HS3ST4: variants seen among roughly 807,000 people sequenced by gnomAD.
HS3ST4 encodes the protein heparan sulfate glucosamine 3-O-sulfotransferase 4.
HS3ST4 carries 17 observed loss-of-function variants against 29.2 expected under a neutral mutation model. That is an observed-to-expected ratio of 0.58 (90% CI 0.40 to 0.87). HS3ST4 has a LOEUF of 0.87. HS3ST4 is among the 40% of genes least tolerant of loss of function. The pLI is 0.00. For synonymous variants in HS3ST4, 314 were observed against 285.7 expected, an observed-to-expected ratio of 1.10 and a Z score of -1.00; for missense variants, 627 against 634.5, an observed-to-expected ratio of 0.99 and a Z score of 0.13.
chr16:25,752,688 A>T (rs1433512875), intron 1 of HS3ST4, among the ~76,000 whole-genome samples: 1 of 152,226 alleles, frequency 6.6e-6, no homozygotes, highest in Non-Finnish European at 1.5e-5. Flanking sequence ...TAAACAAAGT[A>T]TTGAGTATTT....
intron 1 of HS3ST4, among the ~76,000 whole-genome samples, chr16:25,823,584 G>T (rs1017745540): frequency 5.9e-5 from 9 of 152,070 alleles, no homozygotes; most frequent in Admixed American, 2.0e-4. Flanking sequence ...TTTTTGAGAT[G>T]AAGTCTTGCT....
chr16:25,711,317 T>C (rs1038771274), intron 1 of HS3ST4, among the ~76,000 whole-genome samples: 15 of 151,868 alleles, frequency 9.9e-5, no homozygotes, highest in African/African-American at 3.6e-4. Context: ...CTTCCCAATG[T>C]GGGGCAGCTG....
intron 1 of HS3ST4, among the ~76,000 whole-genome samples, chr16:25,999,853 T>TTATATATTTTATATATAA (rs1969194037): frequency 7.4e-6 from 1 of 134,258 alleles, no homozygotes; most frequent in African/African-American, 2.9e-5. Flanking sequence ...TTTATATATA[T>TTATATATTTTATATATAA]TATATATATA....
chr16:26,085,536 A>G (rs1352646405), intron 1 of HS3ST4, among the ~76,000 whole-genome samples: 1 of 152,062 alleles, frequency 6.6e-6, no homozygotes, highest in Non-Finnish European at 1.5e-5. Context: ...TATAAAAACA[A>G]CTGACAGGTA....
rs1966864004 is a variant in HS3ST4, at chr16:25,789,453, TCC to T, written c.734+96303_734+96304del. Among the ~76,000 whole-genome samples the T allele has an allele frequency of 5.3e-5, 3 of 56,280 alleles. No homozygotes were observed. In the East Asian group the frequency reaches 1.2e-3, roughly 22 times the overall value. The allele number at this position is 56,280 out of a possible 152,430, so 36.9% of individuals were successfully genotyped here. ...TTCCTTCCTTCCTTCCTTCCTTCCT[TCC>T]TTCCTTCCTTCCTTCTTTCTTTCTT... On this transcript the variant is annotated intron_variant, in intron 1 of 1. Coordinates refer to ENST00000331351, the MANE Select transcript of HS3ST4 (RefSeq NM_006040.3).
intron 1 of HS3ST4, among the ~76,000 whole-genome samples, chr16:25,908,438 A>G (rs1020655610): frequency 6.6e-6 from 1 of 152,214 alleles, no homozygotes; most frequent in African/African-American, 2.4e-5. Context: ...ACAAGTCATG[A>G]TTGAACATCT....
At position 25,807,153 on chromosome 16, in the gene HS3ST4, T is replaced by C. The variant is rs147103823; in HGVS notation, c.734+114002T>C. On this transcript the variant is annotated intron_variant, in intron 1 of 1. Coordinates refer to ENST00000331351, the MANE Select transcript of HS3ST4 (RefSeq NM_006040.3). ...ATGCCTGGCTAATTTTTTATATTTT[T>C]AGTAGAGACGGAGTTTCGCCATGTT... Among the ~76,000 whole-genome samples the C allele has an allele frequency of 1.0e-3, 152 of 152,222 alleles. 1 individual carries two copies. In the East Asian group the frequency reaches 0.024, roughly 24 times the overall value.
intron 1 of HS3ST4, among the ~76,000 whole-genome samples, chr16:25,945,777 G>A (rs1156656767): frequency 6.6e-6 from 1 of 152,124 alleles, no homozygotes; most frequent in Admixed American, 6.6e-5. Flanking sequence ...TCTCCATGTT[G>A]CCATAATGCC....
intron 1 of HS3ST4, among the ~76,000 whole-genome samples, chr16:25,927,945 T>A (rs1968422829): frequency 6.8e-6 from 1 of 148,116 alleles, no homozygotes; most frequent in African/African-American, 2.5e-5. Flanking sequence ...ACGCCTGTAA[T>A]CTCAGCATTT....
At chr16:26,003,965 C>T (rs1451622383) in intron 1 of HS3ST4, among the ~76,000 whole-genome samples, 1 of 152,146 alleles carries the variant, frequency 6.6e-6, no homozygotes, top group Admixed American at 6.5e-5. Context: ...TCACTGTGAG[C>T]TCCTAATCCC....
chr16:25,866,934 A>C (rs1030952172), intron 1 of HS3ST4, among the ~76,000 whole-genome samples: 2 of 152,174 alleles, frequency 1.3e-5, no homozygotes, highest in Non-Finnish European at 2.9e-5. Context: ...GAATGGTTAC[A>C]GTCAGAATCT....
At chr16:25,732,715 T>C (rs1966578798) in intron 1 of HS3ST4, among the ~76,000 whole-genome samples, 1 of 152,226 alleles carries the variant, frequency 6.6e-6, no homozygotes, top group Non-Finnish European at 1.5e-5. Context: ...ATAACTTGGA[T>C]GGAACCAGTT....
chr16:25,750,244 T>TGA (rs1966710389), intron 1 of HS3ST4, among the ~76,000 whole-genome samples: 1 of 152,206 alleles, frequency 6.6e-6, no homozygotes. Context: ...CATGGAGACC[T>TGA]CAGAGTAGTC....
At chr16:26,019,441 A>G (rs1399169459) in intron 1 of HS3ST4, among the ~76,000 whole-genome samples, 1 of 152,046 alleles carries the variant, frequency 6.6e-6, no homozygotes, top group African/African-American at 2.4e-5. Flanking sequence ...TTACTTTATT[A>G]TTGCTTTATG....
chr16:25,889,615 G>A (rs1416560503), intron 1 of HS3ST4, among the ~76,000 whole-genome samples: 2 of 152,146 alleles, frequency 1.3e-5, no homozygotes, highest in African/African-American at 2.4e-5. Flanking sequence ...AGAATGTAGT[G>A]AGATTCTGCT....
chr16:25,933,579 A>T (rs774274940), intron 1 of HS3ST4, among the ~76,000 whole-genome samples: 18 of 152,196 alleles, frequency 1.2e-4, no homozygotes, highest in Admixed American at 2.6e-4. Context: ...ATTTACTAGA[A>T]GGGCAAATCA....
At chr16:26,125,547 C>A (rs59773168) in intron 1 of HS3ST4, among the ~76,000 whole-genome samples, 8 of 152,198 alleles carry the variant, frequency 5.3e-5, no homozygotes, top group East Asian at 1.9e-4. Flanking sequence ...TGCAGCCCAG[C>A]GGTTGGGGAC....
At chr16:25,720,465 A>G (rs1966485173) in intron 1 of HS3ST4, among the ~76,000 whole-genome samples, 1 of 152,176 alleles carries the variant, frequency 6.6e-6, no homozygotes, top group Admixed American at 6.5e-5. Flanking sequence ...AAAAATGGCA[A>G]GGTTACCGTA....
chr16:26,064,610 CT>C (rs869047078), intron 1 of HS3ST4, among the ~76,000 whole-genome samples: 27,582 of 89,044 alleles, frequency 0.31, 2,619 homozygotes, highest in Middle Eastern at 0.42. Flanking sequence ...GGATTGTAGT[CT>C]TTTTTTTTTT....
Sources: gnomAD v4.1 joint callset for allele counts (sites outside exome capture counted in the v4.1 genomes callset) on GRCh38, gnomAD v4.1.1 for gene constraint, MANE v1.5 for transcripts, NCBI Gene and HGNC (gene_info 2026-07-23, HGNC 2026-07-21) for gene names.